HERC3: variants seen among roughly 807,000 people sequenced by gnomAD.
HERC3 encodes HECT and RLD domain containing E3 ubiquitin protein ligase 3.
In HERC3, 58 loss-of-function variants were observed where a neutral mutation model predicts 129.9. The ratio of observed to expected loss-of-function variants is 0.45; its 90% CI spans 0.36 to 0.56. The LOEUF (loss-of-function observed/expected upper bound fraction) is 0.56, where lower values mean the gene tolerates loss of function less well. Among genes scored for constraint, HERC3 ranks in the 20% least tolerant of loss-of-function variants. The probability of loss-of-function intolerance (pLI) is 0.00; values close to 1 mark genes in which losing one functional copy is unlikely to be tolerated. For synonymous variants in HERC3, 430 were observed against 451.0 expected, an observed-to-expected ratio of 0.95 and a Z score of 0.59; for missense variants, 835 against 1,244.2, an observed-to-expected ratio of 0.67 and a Z score of 4.95.
At chr4:88,555,193 G>C in the HERC3 span, among the ~76,000 whole-genome samples, 3 of 150,924 alleles carry the variant, frequency 2.0e-5, no homozygotes, top group Non-Finnish European at 2.9e-5. Flanking sequence ...TGAGGCAGGA[G>C]AACTGCTTGA....
In HERC3 at chr4:88,605,789, T is replaced by C; in HGVS notation, c.-29-6T>C. 6.4e-7 allele frequency: 1 copy of C among 1,553,384 alleles called. No homozygotes were observed. The highest frequency in any genetic ancestry group is 8.9e-7 in the Non-Finnish European group (1 of 1,124,892). On this transcript the variant is annotated splice_polypyrimidine_tract_variant and splice_region_variant and intron_variant, in intron 2 of 25. Coordinates refer to ENST00000402738, the MANE Select transcript of HERC3 (RefSeq NM_014606.3). The stretch of plus-strand genomic sequence containing the variant: ...TAAAAAATAATTTTTTTAAACTCTC[T>C]CCTAGGCTACATGATTCCCTGAAAG...
chr4:88,695,802 TGAG>T (rs1047024338), intron 23 of HERC3: 1 of 152,582 alleles, frequency 6.6e-6, no homozygotes, highest in South Asian at 2.1e-4. Context: ...CTTTTGTAGA[TGAG>T]GAGAAACTGG....
At chr4:88,680,451 T>C (rs1732646587) in intron 20 of HERC3, among the ~76,000 whole-genome samples, 1 of 152,234 alleles carries the variant, frequency 6.6e-6, no homozygotes, top group Non-Finnish European at 1.5e-5. Flanking sequence ...CCCATTTCCA[T>C]TTCTAGTAGG....
chr4:88,552,126 G>T, the HERC3 span, among the ~76,000 whole-genome samples: 179 of 139,718 alleles, frequency 1.3e-3, no homozygotes, highest in African/African-American at 4.6e-3. Flanking sequence ...ACAGTCTGGG[G>T]ACTGTTGTGG....
chr4:88,577,167 A>G, the HERC3 span, among the ~76,000 whole-genome samples: 1 of 152,170 alleles, frequency 6.6e-6, no homozygotes, highest in Non-Finnish European at 1.5e-5. Flanking sequence ...GATTTGAGCT[A>G]TGGGGCAGAT....
chr4:88,619,935 C>T (rs754051316), intron 3 of HERC3, among the ~76,000 whole-genome samples: 2 of 152,140 alleles, frequency 1.3e-5, no homozygotes, highest in Non-Finnish European at 2.9e-5. Flanking sequence ...AGTGATCACT[C>T]ATGTAGGAAA....
chr4:88,676,350 G>A lies in HERC3; in HGVS notation c.1952G>A (p.Cys651Tyr). Reference protein sequence around the residue: ...PSIIQDTVTLCSYPFIFDAQA... With the variant: ...PSIIQDTVTLYSYPFIFDAQA... ...TTATTCTAGGATACTGTAACACTTT[G>A]TTCCTACCCTTTCATCTTTGATGCC... Residue 651 changes from cysteine (C) to tyrosine (Y), a missense_variant, in exon 18 of 26, where the codon TGT becomes TAT. By Grantham distance (194) the Cys-to-Tyr change is radical. Coordinates refer to ENST00000402738, the MANE Select transcript of HERC3 (RefSeq NM_014606.3). 8.1e-6 allele frequency: 13 copies of A among 1,612,026 alleles called. No individual in the cohort carries two copies. Among genetic ancestry groups the A allele is most frequent in the Non-Finnish European group, 1.1e-5 (13 of 1,178,232 alleles).
intron 3 of HERC3, among the ~76,000 whole-genome samples, chr4:88,606,253 C>CTTTTTTTTTT (rs558927566): frequency 1.5e-5 from 2 of 135,374 alleles, no homozygotes. Context: ...CTTTTCTTTT[C>CTTTTTTTTTT]TTTTTTTTTT....
At chr4:88,573,671 T>A in the HERC3 span, among the ~76,000 whole-genome samples, 1 of 152,172 alleles carries the variant, frequency 6.6e-6, no homozygotes, top group East Asian at 1.9e-4. Flanking sequence ...TGCCTTAATC[T>A]GCCCTCTCCA....
intron 12 of HERC3, among the ~76,000 whole-genome samples, chr4:88,665,336 C>T (rs1204177925): frequency 6.6e-6 from 1 of 152,198 alleles, no homozygotes; most frequent in Non-Finnish European, 1.5e-5. Flanking sequence ...GATGGTGTAA[C>T]TCTCAGTCTG....
chr4:88,565,745 T>C, the HERC3 span, among the ~76,000 whole-genome samples: 1 of 152,104 alleles, frequency 6.6e-6, no homozygotes, highest in Admixed American at 6.5e-5. Flanking sequence ...AAGTACAGAC[T>C]TACTCCTGCC....
intron 16 of HERC3, among the ~76,000 whole-genome samples, chr4:88,673,250 T>C (rs1197238889): frequency 6.6e-6 from 1 of 152,178 alleles, no homozygotes; most frequent in African/African-American, 2.4e-5. Flanking sequence ...TCCCCAGTTA[T>C]GAGTATTGTG....
the HERC3 span, among the ~76,000 whole-genome samples, chr4:88,549,604 G>A: frequency 6.6e-6 from 1 of 152,022 alleles, no homozygotes. Flanking sequence ...TTACGATAAT[G>A]GCCTCCAGTT....
chr4:88,540,016 C>G, the HERC3 span, among the ~76,000 whole-genome samples: 1 of 152,162 alleles, frequency 6.6e-6, no homozygotes, highest in Non-Finnish European at 1.5e-5. Flanking sequence ...ATTCTAAAAA[C>G]CAGAGCACCT....
chr4:88,637,124 A>G (rs535933197), intron 3 of HERC3, among the ~76,000 whole-genome samples: 1 of 147,862 alleles, frequency 6.8e-6, no homozygotes, highest in South Asian at 2.2e-4. Flanking sequence ...GTGAGATGCC[A>G]TCTCAAAAAC....
At chr4:88,697,296 G>T in intron 23 of HERC3, 1 of 1,604,726 alleles carries the variant, frequency 6.2e-7, no homozygotes, top group Non-Finnish European at 8.5e-7. Flanking sequence ...CCTCCTCCTC[G>T]TCTTCCCCCT....
chr4:88,672,340 C>G (rs1455652478), intron 16 of HERC3, among the ~76,000 whole-genome samples: 36 of 152,066 alleles, frequency 2.4e-4, no homozygotes, highest in Admixed American at 2.4e-3. Flanking sequence ...AACAGATGCT[C>G]ATCTCTTCAA....
At chr4:88,608,701 T>C (rs1178694707) in intron 3 of HERC3, among the ~76,000 whole-genome samples, 2 of 152,234 alleles carry the variant, frequency 1.3e-5, no homozygotes, top group Non-Finnish European at 2.9e-5. Context: ...CTGTTAAAAC[T>C]CACTTGTGTC....
chr4:88,618,877 G>A (rs1725209692), intron 3 of HERC3, among the ~76,000 whole-genome samples: 1 of 152,160 alleles, frequency 6.6e-6, no homozygotes, highest in Non-Finnish European at 1.5e-5. Flanking sequence ...CTATTTTTAA[G>A]TTTGTTCAGT....
Sources: gnomAD v4.1 joint callset for allele counts (sites outside exome capture counted in the v4.1 genomes callset) on GRCh38, gnomAD v4.1.1 for gene constraint, MANE v1.5 for transcripts, NCBI Gene and HGNC (gene_info 2026-07-23, HGNC 2026-07-21) for gene names.